The following ZNF181 variants were observed in gnomAD, a reference collection of about 807,000 sequenced individuals.
ZNF181 encodes the protein zinc finger protein 181 (HHZ181).
A neutral mutation model predicts 11.9 loss-of-function variants in ZNF181; 8 were observed. The ratio of observed to expected loss-of-function variants is 0.67; its 90% CI spans 0.39 to 1.21. The LOEUF (loss-of-function observed/expected upper bound fraction) is 1.21. Among genes scored for constraint, ZNF181 ranks in the 50% most tolerant of loss-of-function variants. ZNF181 has a pLI of 0.01. For missense variants in ZNF181, 542 were observed against 670.9 expected (o/e 0.81, Z 2.12); for synonymous variants, 202 against 221.1 (o/e 0.91, Z 0.77).
rs1431601464 is a variant in ZNF181 at position 34,743,200 on chromosome 19, T to G, written c.*1103T>G. On this transcript the variant is annotated 3_prime_UTR_variant, in exon 4 of 4. Coordinates refer to ENST00000492450, the MANE Select transcript of ZNF181 (RefSeq NM_001029997.4). ...AAGTCTGAATCTTAGGGTTTCTGTA[T>G]GAGTTGATTTGAATTTGCATTTTTC... The G allele has an allele frequency of 6.6e-6, 1 of 152,202 alleles. No individual in the cohort carries two copies. The highest frequency in any genetic ancestry group is 1.5e-5 in the Non-Finnish European group (1 of 68,028). The allele number at this position is 152,202 out of a possible 1,614,324, so 9.4% of individuals were successfully genotyped here.
intron 1 of ZNF181, among the ~76,000 whole-genome samples, chr19:34,735,701 G>T (rs1328398314): frequency 3.9e-5 from 6 of 152,150 alleles, no homozygotes; most frequent in Non-Finnish European, 8.8e-5. Flanking sequence ...TGACCTATTT[G>T]TACAATTAGG....
At position 34,741,158 on chromosome 19, in the gene ZNF181, T is replaced by C. The variant is rs139545360; in HGVS notation, c.777T>C (p.His259=). 13 of 1,613,976 alleles carry C rather than the reference T, an allele frequency of 8.1e-6. No homozygotes were observed. In the African/African-American group the frequency reaches 1.5e-4, roughly 18 times the overall value. The change falls in exon 4 of 4, where the codon CAT becomes CAC. Residue 259 remains histidine, a synonymous_variant. Coordinates refer to ENST00000492450, the MANE Select transcript of ZNF181 (RefSeq NM_001029997.4). ...TCCTCAATCGCCACTGGAGAATTCATACAGGAGAGAAGCCCTATGAATGTC... is the reference window on the plus strand; with the variant it reads ...TCCTCAATCGCCACTGGAGAATTCACACAGGAGAGAAGCCCTATGAATGTC... ...QSILNRHWRI[H]TGEKPYECRE...
chr19:34,736,643 T>A (rs1204217788), intron 1 of ZNF181, among the ~76,000 whole-genome samples: 3 of 152,182 alleles, frequency 2.0e-5, no homozygotes, highest in Non-Finnish European at 4.4e-5. Flanking sequence ...GACTATTGAG[T>A]ACTTGAACTG....
In ZNF181 at chr19:34,742,620, T is replaced by G. The variant is rs188850235; in HGVS notation, c.*523T>G. 2 of 152,278 alleles carry G rather than the reference T, an allele frequency of 1.3e-5. No homozygotes were observed. Among genetic ancestry groups the G allele is most frequent in the African/African-American group, 4.8e-5 (2 of 41,472 alleles). The allele number at this position is 152,278 out of a possible 1,614,324, so 9.4% of individuals were successfully genotyped here. ...AGTTATGTGTAAATCTTTGCAGTCATGCTATTTGTAAACTGGATTCTACAG... is the reference window on the plus strand; with the variant it reads ...AGTTATGTGTAAATCTTTGCAGTCAGGCTATTTGTAAACTGGATTCTACAG... On this transcript the variant is annotated 3_prime_UTR_variant, in exon 4 of 4. Coordinates refer to ENST00000492450, the MANE Select transcript of ZNF181 (RefSeq NM_001029997.4).
In ZNF181 at chr19:34,741,389, T is replaced by C. The variant is rs1484380967; in HGVS notation, c.1008T>C (p.Leu336=). 9.9e-6 allele frequency: 16 copies of C among 1,613,772 alleles called. No individual in the cohort carries two copies. Among genetic ancestry groups the C allele is most frequent in the Admixed American group, 3.3e-5 (2 of 59,972 alleles). The change falls in exon 4 of 4, where the codon CTT becomes CTC. Residue 336 remains leucine, a synonymous_variant. Transcript: ENST00000492450. The stretch of plus-strand genomic sequence containing the variant: ...AGTCTTTTAGTCGTGTGTCCCATCT[T>C]ATTGAACATCTAAGAATTCATACTC... The part of the protein sequence containing the change: ...CGKSFSRVSH[L]IEHLRIHTQE...
intron 1 of ZNF181, among the ~76,000 whole-genome samples, chr19:34,737,749 G>A (rs1302529865): frequency 2.5e-4 from 38 of 152,172 alleles, no homozygotes; most frequent in Admixed American, 2.5e-3. Flanking sequence ...GTGGTTTGGG[G>A]GTGAAACTGT....
intron 1 of ZNF181, among the ~76,000 whole-genome samples, chr19:34,735,849 G>A (rs891717494): frequency 3.3e-5 from 5 of 152,072 alleles, no homozygotes; most frequent in Admixed American, 2.0e-4. Context: ...TATCTTCTTC[G>A]TGTGTTTGTT....
rs1039085555 is a variant in ZNF181 at position 34,743,190 on chromosome 19, G to A, written c.*1093G>A. 1 of 152,128 alleles carries A rather than the reference G, an allele frequency of 6.6e-6. No individual in the cohort carries two copies. Among genetic ancestry groups the A allele is most frequent in the African/African-American group, 2.4e-5 (1 of 41,418 alleles). 9.4% of individuals were successfully genotyped at this position (152,128 alleles called of 1,614,324 possible). A position where few individuals can be genotyped will look rare whatever the true frequency, so the allele number is the denominator to read the frequency against. ...ACAGATTGCTAAGTCTGAATCTTAG[G>A]GTTTCTGTATGAGTTGATTTGAATT... On this transcript the variant is annotated 3_prime_UTR_variant, in exon 4 of 4. Coordinates refer to ENST00000492450, the MANE Select transcript of ZNF181 (RefSeq NM_001029997.4).
intron 1 of ZNF181, among the ~76,000 whole-genome samples, chr19:34,738,464 T>A (rs1193514754): frequency 6.6e-6 from 1 of 152,196 alleles, no homozygotes; most frequent in East Asian, 1.9e-4. Flanking sequence ...GCGATTAAGT[T>A]CAATACACGC....
At chr19:34,736,099 G>C (rs532752648) in intron 1 of ZNF181, 56 of 702,864 alleles carry the variant, frequency 8.0e-5, no homozygotes, top group Non-Finnish European at 1.3e-4. Context: ...GGGTTACCTG[G>C]CACCAAATAG....
rs2068964097 is a variant in ZNF181 at position 34,741,050 on chromosome 19, A to G, written c.669A>G (p.Lys223=). 1.9e-6 allele frequency: 3 copies of G among 1,614,156 alleles called. No homozygotes were observed. The highest frequency in any genetic ancestry group is 2.5e-6 in the Non-Finnish European group (3 of 1,179,966). Residue 223 remains lysine, a synonymous_variant, in exon 4 of 4, where the codon AAA becomes AAG. Transcript: ENST00000492450. ...GTGGGGCAGCCTTCAGCCAGGGCAAATCTCTTACCCTTCCCCAGACTTGTA... is the reference window on the plus strand; with the variant it reads ...GTGGGGCAGCCTTCAGCCAGGGCAAGTCTCTTACCCTTCCCCAGACTTGTA... ...NKSGAAFSQG[K]SLTLPQTCNR... is the part of the protein sequence containing the mutation.
Position 34,742,205 on chromosome 19 carries a change from G to T in ZNF181, c.*108G>T. 8.7e-7 allele frequency: 1 copy of T among 1,154,206 alleles called. No homozygotes were observed. The highest frequency in any genetic ancestry group is 1.2e-6 in the Non-Finnish European group (1 of 823,880). 71.5% of individuals were successfully genotyped at this position (1,154,206 alleles called of 1,614,324 possible). On this transcript the variant is annotated 3_prime_UTR_variant, in exon 4 of 4. Coordinates refer to ENST00000492450, the MANE Select transcript of ZNF181 (RefSeq NM_001029997.4). ...GTGGTGAATATAGGAAGACCTTTTA[G>T]CAAAGATGCAGGCCAGTTTGTTTAT... is the stretch of plus-strand genomic sequence containing the variant.
rs1009638693 is a variant in ZNF181, at chr19:34,742,240, T to C, written c.*143T>C. 3.2e-5 allele frequency: 24 copies of C among 749,410 alleles called. No individual in the cohort carries two copies. In the South Asian group the frequency reaches 5.1e-4, roughly 16 times the overall value. The allele number at this position is 749,410 out of a possible 1,614,324, so 46.4% of individuals were successfully genotyped here. A position where few individuals can be genotyped will look rare whatever the true frequency, so the allele number is the denominator to read the frequency against. ...AGGCCAGTTTGTTTATTAGACTTTA[T>C]ACTGTAGAGAAATCATATGAAGACC... is the stretch of plus-strand genomic sequence containing the variant. On this transcript the variant is annotated 3_prime_UTR_variant, in exon 4 of 4. Transcript: ENST00000492450.
rs2069012549 is a variant in ZNF181 at position 34,743,850 on chromosome 19, G to A, written c.*1753G>A. 1 of 152,248 alleles carries A rather than the reference G, an allele frequency of 6.6e-6. No homozygotes were observed. Among genetic ancestry groups the A allele is most frequent in the African/African-American group, 2.4e-5 (1 of 41,464 alleles). 9.4% of individuals were successfully genotyped at this position (152,248 alleles called of 1,614,324 possible). A position where few individuals can be genotyped will look rare whatever the true frequency, so the allele number is the denominator to read the frequency against. On this transcript the variant is annotated 3_prime_UTR_variant, in exon 4 of 4. Coordinates refer to ENST00000492450, the MANE Select transcript of ZNF181 (RefSeq NM_001029997.4). ...TTGTTCTCTGCACTGAACCTTGACA[G>A]ATAATTATGTTTTGTAAGGAGGCAG...
intron 1 of ZNF181, among the ~76,000 whole-genome samples, chr19:34,738,289 A>C (rs1395695269): frequency 1.3e-5 from 2 of 152,090 alleles, no homozygotes; most frequent in Non-Finnish European, 2.9e-5. Flanking sequence ...GTGTCCTTTT[A>C]TGGTGGAAGG....
At chr19:34,737,224 G>C (rs1261581203) in intron 1 of ZNF181, among the ~76,000 whole-genome samples, 1 of 152,234 alleles carries the variant, frequency 6.6e-6, no homozygotes, top group South Asian at 2.1e-4. Flanking sequence ...CATTTGTGGA[G>C]AGGATTTTCT....
chr19:34,737,467 A>G (rs1218096631), intron 1 of ZNF181, among the ~76,000 whole-genome samples: 1 of 152,274 alleles, frequency 6.6e-6, no homozygotes, highest in African/African-American at 2.4e-5. Flanking sequence ...TTTTTTGTAC[A>G]TATTATAATT....
At position 34,744,326 on chromosome 19, in the gene ZNF181, T is replaced by C. The variant is rs2069015699; in HGVS notation, c.*2229T>C. ...TTTATTTTTAATCATGAAATTTATA[T>C]TGAAATTCTGTGAAACATTGAAGGA... is the stretch of plus-strand genomic sequence containing the variant. On this transcript the variant is annotated 3_prime_UTR_variant, in exon 4 of 4. Coordinates refer to ENST00000492450, the MANE Select transcript of ZNF181 (RefSeq NM_001029997.4). 1 of 152,148 alleles carries C rather than the reference T, an allele frequency of 6.6e-6. No homozygotes were observed. The highest frequency in any genetic ancestry group is 1.5e-5 in the Non-Finnish European group (1 of 68,014). The allele number at this position is 152,148 out of a possible 1,614,324, so 9.4% of individuals were successfully genotyped here.
At position 34,742,871 on chromosome 19, in the gene ZNF181, A is replaced by C. The variant is rs1167005710; in HGVS notation, c.*774A>C. On this transcript the variant is annotated 3_prime_UTR_variant, in exon 4 of 4. Coordinates refer to ENST00000492450, the MANE Select transcript of ZNF181 (RefSeq NM_001029997.4). ...TAATAAAATCATTTTGTATATCACA[A>C]ACTCTTTCACTGTGACTATTTCCTG... is the stretch of plus-strand genomic sequence containing the variant. 1 of 152,208 alleles carries C rather than the reference A, an allele frequency of 6.6e-6. No individual in the cohort carries two copies. The highest frequency in any genetic ancestry group is 1.5e-5 in the Non-Finnish European group (1 of 68,022). 9.4% of individuals were successfully genotyped at this position (152,208 alleles called of 1,614,324 possible). A position where few individuals can be genotyped will look rare whatever the true frequency, so the allele number is the denominator to read the frequency against.
Sources: gnomAD v4.1 joint callset for allele counts (sites outside exome capture counted in the v4.1 genomes callset) on GRCh38, gnomAD v4.1.1 for gene constraint, MANE v1.5 for transcripts, NCBI Gene and HGNC (gene_info 2026-07-23, HGNC 2026-07-21) for gene names.